Variants in CEMIP observed in about 807,000 individuals in gnomAD.
CEMIP encodes cell migration inducing hyaluronidase 1, also known as cell migration-inducing and hyaluronan-binding protein.
In CEMIP, 105 loss-of-function variants were observed where a neutral mutation model predicts 156.9. The observed-to-expected ratio is 0.67, with a 90% CI of 0.57 to 0.79. CEMIP has a LOEUF of 0.79. Ranked by LOEUF, CEMIP falls within the 30% of genes least tolerant of loss-of-function variation. The pLI is 0.00. For missense variants in CEMIP, 1,457 were observed against 1,769.4 expected (o/e 0.82, Z 3.17); for synonymous variants, 676 against 668.4 (o/e 1.01, Z -0.17).
intron 29 of CEMIP, chr15:80,947,353 A>T: frequency 2.4e-6 from 1 of 413,986 alleles, no homozygotes; most frequent in Non-Finnish European, 4.5e-6. Flanking sequence ...CCTTTATTCA[A>T]CAAAAGTATC....
At chr15:80,784,981 C>T (rs897835923) in intron 1 of CEMIP, among the ~76,000 whole-genome samples, 1 of 152,134 alleles carries the variant, frequency 6.6e-6, no homozygotes, top group African/African-American at 2.4e-5. Context: ...TTATAATGAC[C>T]CTTAAAATTC....
rs189501198 is a variant in CEMIP, at chr15:80,822,691, G to A, written c.-176+43077G>A. ...GATGGTGAACACTCTAAGGTGGCTC[G>A]GTTTTCGTAGGACCAAGCACAGCTG... On this transcript the variant is annotated intron_variant, in intron 1 of 29. Transcript: ENST00000394685. Among the ~76,000 whole-genome samples the A allele has an allele frequency of 4.6e-5, 7 of 152,160 alleles. No homozygotes were observed. In the South Asian group the frequency reaches 8.3e-4, roughly 18 times the overall value.
At chr15:80,878,109 G>A (rs1898532120) in intron 3 of CEMIP, among the ~76,000 whole-genome samples, 1 of 152,180 alleles carries the variant, frequency 6.6e-6, no homozygotes, top group Non-Finnish European at 1.5e-5. Flanking sequence ...CATTATAAGA[G>A]TCACTGCACT....
intron 1 of CEMIP, among the ~76,000 whole-genome samples, chr15:80,783,268 T>C (rs1280708050): frequency 6.6e-6 from 1 of 152,240 alleles, no homozygotes; most frequent in Non-Finnish European, 1.5e-5. Flanking sequence ...AACATGTAGG[T>C]TGGGTTCCTA....
Position 80,888,741 on chromosome 15 carries a change from CCAGA to C in CEMIP, c.914_917del (p.Thr305SerfsTer102). 6.2e-7 allele frequency: 1 copy of C among 1,614,052 alleles called. No homozygotes were observed. The highest frequency in any genetic ancestry group is 8.5e-7 in the Non-Finnish European group (1 of 1,180,004). Reference sequence around the variant, plus strand: ...CTGCTGCCCGGGTATTCAAATTGTTCCAGACAGAGCATGGCGAATATTTCAATGT... The same window carrying C: ...CTGCTGCCCGGGTATTCAAATTGTTCCAGAGCATGGCGAATATTTCAATGT... On this transcript the variant is annotated frameshift_variant, in exon 9 of 30. Transcript: ENST00000394685. LOFTEE classifies it high-confidence loss of function.
At chr15:80,926,943 G>A (rs984077983) in intron 19 of CEMIP, among the ~76,000 whole-genome samples, 1 of 151,370 alleles carries the variant, frequency 6.6e-6, no homozygotes, top group Admixed American at 6.6e-5. Context: ...CAATTCTCCT[G>A]CCTCAGCCTC....
At chr15:80,836,073 ATTTT>A (rs55996446) in intron 1 of CEMIP, among the ~76,000 whole-genome samples, 356 of 134,734 alleles carry the variant, frequency 2.6e-3, no homozygotes, top group African/African-American at 3.4e-3. Context: ...GACGGAAGTG[ATTTT>A]TTTTTTTTTT....
At chr15:80,786,526 T>C (rs561184920) in intron 1 of CEMIP, among the ~76,000 whole-genome samples, 1 of 151,302 alleles carries the variant, frequency 6.6e-6, no homozygotes, top group South Asian at 2.1e-4. Context: ...GCACCCAGCC[T>C]GCTATGTCTT....
rs924266876 is a variant in CEMIP, at chr15:80,949,436, G to A, written c.*512G>A. ...CCAACCTCACAGGATTAGGAGCTGG[G>A]GTAGAACTGGCTATCCTTGGGGAAG... is the stretch of plus-strand genomic sequence containing the variant. On this transcript the variant is annotated 3_prime_UTR_variant, in exon 30 of 30. Transcript: ENST00000394685. The A allele has an allele frequency of 4.9e-6, 1 of 202,448 alleles. No individual in the cohort carries two copies. The highest frequency in any genetic ancestry group is 5.3e-5 in the Admixed American group (1 of 19,034). 12.5% of individuals were successfully genotyped at this position (202,448 alleles called of 1,614,324 possible). A position where few individuals can be genotyped will look rare whatever the true frequency, so the allele number is the denominator to read the frequency against.
intron 1 of CEMIP, among the ~76,000 whole-genome samples, chr15:80,780,955 G>C (rs2141550342): frequency 6.6e-6 from 1 of 152,344 alleles, no homozygotes; most frequent in East Asian, 1.9e-4. Flanking sequence ...CAGCCCTCAG[G>C]AGTCTGTGGT....
intron 12 of CEMIP, among the ~76,000 whole-genome samples, chr15:80,900,573 GC>G (rs910707507): frequency 8.4e-6 from 1 of 119,602 alleles, no homozygotes; most frequent in Admixed American, 8.7e-5. Flanking sequence ...CACCAGAAAA[GC>G]CCCAGGTAGG....
chr15:80,946,762 G>A (rs1308391525), intron 28 of CEMIP: 2 of 600,338 alleles, frequency 3.3e-6, no homozygotes, highest in South Asian at 1.8e-5. Flanking sequence ...AGATGTGTGG[G>A]AGGGAGCTCA....
rs114739810 is a variant in CEMIP, at chr15:80,823,128, G to A, written c.-176+43514G>A. On this transcript the variant is annotated intron_variant, in intron 1 of 29. Coordinates refer to ENST00000394685, the MANE Select transcript of CEMIP (RefSeq NM_001293298.2). The stretch of plus-strand genomic sequence containing the variant: ...CTAAGATTTAAATGGGAGAGAACAG[G>A]GTTTCAGGAAGGGAAATGGAGAAAC... 7.6e-3 allele frequency among the ~76,000 whole-genome samples: 1,160 copies of A among 152,274 alleles called. 16 individuals are homozygous for A. The highest frequency in any genetic ancestry group is 0.026 in the African/African-American group (1,078 of 41,552).
At position 80,925,790 on chromosome 15, in the gene CEMIP, G is replaced by C. The variant is rs776484727; in HGVS notation, c.2420+35G>C. 217 of 1,603,814 alleles carry C rather than the reference G, an allele frequency of 1.4e-4. No homozygotes were observed. The Middle Eastern group carries it at 1.4e-3, about 11-fold the overall frequency. On this transcript the variant is annotated intron_variant, in intron 19 of 29. Coordinates refer to ENST00000394685, the MANE Select transcript of CEMIP (RefSeq NM_001293298.2). The stretch of plus-strand genomic sequence containing the variant: ...AGCGGCGTGTGGCTTTGGCACAAAG[G>C]GGGCATGGCGCGTCTTCCCCTAGCC...
rs1899950480 is a variant in CEMIP at position 80,909,321 on chromosome 15, C to T, written c.1797+15C>T. 1 of 1,613,416 alleles carries T rather than the reference C, an allele frequency of 6.2e-7. No individual in the cohort carries two copies. The highest frequency in any genetic ancestry group is 1.7e-5 in the Admixed American group (1 of 59,990). Reference sequence around the variant, plus strand: ...ATGGCTTGTTGGTAAGAACCTCCTTCCCTCAGGGAACTCTGGGGATGGGCC... The same window carrying T: ...ATGGCTTGTTGGTAAGAACCTCCTTTCCTCAGGGAACTCTGGGGATGGGCC... On this transcript the variant is annotated intron_variant, in intron 14 of 29. Coordinates refer to ENST00000394685, the MANE Select transcript of CEMIP (RefSeq NM_001293298.2).
At chr15:80,841,808 C>T (rs961421071) in intron 1 of CEMIP, among the ~76,000 whole-genome samples, 2 of 152,194 alleles carry the variant, frequency 1.3e-5, no homozygotes, top group Non-Finnish European at 2.9e-5. Context: ...ATGGGGAAAG[C>T]ATGAGATTTG....
At chr15:80,826,812 T>C (rs1897048295) in intron 1 of CEMIP, among the ~76,000 whole-genome samples, 1 of 152,206 alleles carries the variant, frequency 6.6e-6, no homozygotes, top group Non-Finnish European at 1.5e-5. Context: ...CAGTCCCTAC[T>C]GCTCCTTATT....
rs758338201 is a variant in CEMIP, at chr15:80,895,902, A to G, written c.1253A>G (p.Asn418Ser). 279 of 1,614,104 alleles carry G rather than the reference A, an allele frequency of 1.7e-4. No homozygotes were observed. The highest frequency in any genetic ancestry group is 3.3e-4 in the Middle Eastern group (2 of 6,084). The change falls in exon 12 of 30, where the codon AAT (asparagine) becomes AGT (serine). Residue 418 changes from asparagine to serine, a missense_variant. Physicochemically the swap from Asn to Ser is conservative, Grantham distance 46 (BLOSUM62 1). Coordinates refer to ENST00000394685, the MANE Select transcript of CEMIP (RefSeq NM_001293298.2). ...RPKLTVTIDT[N>S]VNSTILNLED... The stretch of plus-strand genomic sequence containing the variant: ...AAACTCACAGTCACCATTGACACCA[A>G]TGTGAACAGCACCATTCTGAACTTG...
At chr15:80,805,463 C>A (rs1229468656) in intron 1 of CEMIP, among the ~76,000 whole-genome samples, 2 of 152,186 alleles carry the variant, frequency 1.3e-5, no homozygotes, top group Admixed American at 6.5e-5. Context: ...TTAAAAAACG[C>A]ATTTGCCAGC....
Sources: allele counts gnomAD v4.1 joint callset (sites outside exome capture counted in the v4.1 genomes callset), GRCh38; gene constraint gnomAD v4.1.1; transcripts MANE v1.5; gene names NCBI Gene and HGNC (gene_info 2026-07-23, HGNC 2026-07-21).